Variants in NCS1 observed in about 807,000 individuals in gnomAD.
NCS1 encodes neuronal calcium sensor 1, also known as frequenin homolog.
NCS1 carries 6 observed loss-of-function variants against 28.4 expected under a neutral mutation model. The ratio of observed to expected loss-of-function variants is 0.21; its 90% confidence interval spans 0.12 to 0.42. NCS1 has a LOEUF of 0.42. Among genes scored for constraint, NCS1 ranks in the 10% least tolerant of loss-of-function variants. The pLI is 1.00. For synonymous variants in NCS1, 86 were observed against 99.3 expected, an observed-to-expected ratio of 0.87 and a Z score of 0.79; for missense variants, 131 against 241.4, an observed-to-expected ratio of 0.54 and a Z score of 3.03.
rs1832637107 is a variant in NCS1, at chr9:130,180,297, G to A, written c.64+7570G>A. ...GGTGCACCCACCTTGGCCTCCCAAA[G>A]TGCTGGGATTACAGGCGTGAGCCAC... On this transcript the variant is annotated intron_variant, in intron 1 of 7. Transcript: ENST00000372398. The surrounding 1 kb of genome is among the most constrained non-coding windows in gnomAD (Gnocchi z 4.5). Among the ~76,000 whole-genome samples, 2 of 152,138 alleles carry A rather than the reference G, an allele frequency of 1.3e-5. No homozygotes were observed. Among genetic ancestry groups the A allele is most frequent in the Admixed American group, 6.5e-5 (1 of 15,280 alleles).
At position 130,219,662 on chromosome 9, in the gene NCS1, G is replaced by A; in HGVS notation, c.229-63G>A. 2.0e-6 allele frequency: 3 copies of A among 1,536,822 alleles called. No homozygotes were observed. The highest frequency in any genetic ancestry group is 1.4e-5 in the African/African-American group (1 of 73,364). On this transcript the variant is annotated intron_variant, in intron 3 of 7. Coordinates refer to ENST00000372398, the MANE Select transcript of NCS1 (RefSeq NM_014286.4). This position sits in a 1 kb window ranked among gnomAD's most constrained non-coding sequence, Gnocchi z 5.7. ...GCGACTGCCCCTCGCCCGTCCCGAG[G>A]TTCAGCCTGACCCGGTGGCCTGGCC...
intron 1 of NCS1, among the ~76,000 whole-genome samples, chr9:130,187,786 A>G (rs536926384): frequency 4.6e-5 from 7 of 152,106 alleles, no homozygotes; most frequent in Non-Finnish European, 7.4e-5. Context: ...GGAGCCTCAC[A>G]GTGCTTCCAT....
In NCS1 at chr9:130,175,448, G is replaced by A. The variant is rs782135524; in HGVS notation, c.64+2721G>A. Among the ~76,000 whole-genome samples, 24 of 152,204 alleles carry A rather than the reference G, an allele frequency of 1.6e-4. No homozygotes were observed. Among genetic ancestry groups the A allele is most frequent in the Non-Finnish European group, 3.1e-4 (21 of 68,032 alleles). On this transcript the variant is annotated intron_variant, in intron 1 of 7. Transcript: ENST00000372398. The surrounding 1 kb of genome is among the most constrained non-coding windows in gnomAD (Gnocchi z 4.9). ...GCCCTCCCGGATTTCCGATTCTTTA[G>A]GTCTGGCTGGGGCCCAGGAATTTGC...
chr9:130,209,187 T>A lies in NCS1; in HGVS notation c.89+8205T>A, dbSNP rs1158414864. On this transcript the variant is annotated intron_variant, in intron 2 of 7. Transcript: ENST00000372398. This position sits in a 1 kb window ranked among gnomAD's most constrained non-coding sequence, Gnocchi z 4.4. Reference sequence around the variant, plus strand: ...CCTGGCTGATTGCAGCTTGGGGTAATGCTTTATGATTTATCCGTCTAGCAA... The same window carrying A: ...CCTGGCTGATTGCAGCTTGGGGTAAAGCTTTATGATTTATCCGTCTAGCAA... Among the ~76,000 whole-genome samples the A allele has an allele frequency of 2.0e-5, 3 of 152,210 alleles. No individual in the cohort carries two copies. The highest frequency in any genetic ancestry group is 4.4e-5 in the Non-Finnish European group (3 of 68,036).
At chr9:130,227,318 G>A (rs1027610989) in intron 7 of NCS1, among the ~76,000 whole-genome samples, 3 of 152,140 alleles carry the variant, frequency 2.0e-5, no homozygotes, top group Non-Finnish European at 4.4e-5. Flanking sequence ...TGTAGTCTGC[G>A]GGGAGTGGGT....
At chr9:130,212,508 CACTT>C (rs1368718827) in intron 2 of NCS1, among the ~76,000 whole-genome samples, 2 of 148,886 alleles carry the variant, frequency 1.3e-5, no homozygotes, top group African/African-American at 2.5e-5. Flanking sequence ...TAGTATGAGC[CACTT>C]ACTTTACTCA....
At chr9:130,201,108 G>A in intron 2 of NCS1, 126 bp downstream of exon 2, 2 of 1,262,134 alleles carry the variant, frequency 1.6e-6, no homozygotes, top group Non-Finnish European at 1.2e-6. Context: ...CTGAGCGTGG[G>A]GTCCAGACAG....
intron 6 of NCS1, among the ~76,000 whole-genome samples, chr9:130,223,961 C>G (rs1554910991): frequency 6.6e-6 from 1 of 151,958 alleles, no homozygotes; most frequent in African/African-American, 2.4e-5. Flanking sequence ...ACTCTCCTGC[C>G]TCAGCCTCCC....
Position 130,232,468 on chromosome 9 carries a change from G to T in NCS1, c.*18-522G>T, listed in dbSNP as rs1833511975. 6.6e-6 allele frequency among the ~76,000 whole-genome samples: 1 copy of T among 152,174 alleles called. No individual in the cohort carries two copies. Among genetic ancestry groups the T allele is most frequent in the African/African-American group, 2.4e-5 (1 of 41,438 alleles). ...GTTTTCTGCTATTACAGATGGTGCA[G>T]TGGTAAACATTTATTTATTAAGGAT... On this transcript the variant is annotated intron_variant, in intron 7 of 7. Coordinates refer to ENST00000372398, the MANE Select transcript of NCS1 (RefSeq NM_014286.4). The surrounding 1 kb of genome is among the most constrained non-coding windows in gnomAD (Gnocchi z 4.4).
Position 130,235,392 on chromosome 9 carries a change from A to C in NCS1, c.*2420A>C, listed in dbSNP as rs1235944565. On this transcript the variant is annotated 3_prime_UTR_variant, in exon 8 of 8. Coordinates refer to ENST00000372398, the MANE Select transcript of NCS1 (RefSeq NM_014286.4). ...ATTACTTTCCTTTGGCCTCTGCCTGAGGCTCGATTTGCCTCTCTGGTCCAA... is the reference window on the plus strand; with the variant it reads ...ATTACTTTCCTTTGGCCTCTGCCTGCGGCTCGATTTGCCTCTCTGGTCCAA... 2 of 152,394 alleles carry C rather than the reference A, an allele frequency of 1.3e-5. No individual in the cohort carries two copies. Among genetic ancestry groups the C allele is most frequent in the African/African-American group, 2.4e-5 (1 of 41,442 alleles). The allele number at this position is 152,394 out of a possible 1,614,324, so 9.4% of individuals were successfully genotyped here.
intron 2 of NCS1, among the ~76,000 whole-genome samples, chr9:130,213,678 TG>T (rs1424139304): frequency 1.3e-5 from 2 of 151,962 alleles, no homozygotes; most frequent in African/African-American, 4.8e-5. Context: ...CTCTGACTCC[TG>T]GGTTCAAGTG....
Position 130,197,857 on chromosome 9 carries a change from G to A in NCS1, c.65-3101G>A, listed in dbSNP as rs147854555. Among the ~76,000 whole-genome samples, 48 of 152,160 alleles carry A rather than the reference G, an allele frequency of 3.2e-4. 1 individual carries two copies. The highest frequency in any genetic ancestry group is 1.2e-3 in the African/African-American group (48 of 41,508). On this transcript the variant is annotated intron_variant, in intron 1 of 7. Transcript: ENST00000372398. ...GTATGCCTGTAGTTCCAGCTACTTGGGAGGCTGAGGCACACGAGGATCACT... is the reference window on the plus strand; with the variant it reads ...GTATGCCTGTAGTTCCAGCTACTTGAGAGGCTGAGGCACACGAGGATCACT...
chr9:130,220,544 C>T (rs1833264112), intron 4 of NCS1, among the ~76,000 whole-genome samples: 1 of 151,724 alleles, frequency 6.6e-6, no homozygotes, highest in South Asian at 2.1e-4. Flanking sequence ...AGGGGGCCCG[C>T]GTGTGCGAGG....
intron 2 of NCS1, among the ~76,000 whole-genome samples, chr9:130,206,828 G>A (rs1387745096): frequency 4.6e-5 from 7 of 151,250 alleles, no homozygotes; most frequent in Admixed American, 4.6e-4. Flanking sequence ...AACAGGCAGT[G>A]TAGGGTCCAG....
Position 130,174,339 on chromosome 9 carries a change from CA to C in NCS1, c.64+1613del, listed in dbSNP as rs535381608. 7.4e-3 allele frequency among the ~76,000 whole-genome samples: 1,121 copies of C among 152,306 alleles called. 9 individuals are homozygous for C. The highest frequency in any genetic ancestry group is 0.025 in the African/African-American group (1,053 of 41,564). Reference sequence around the variant, plus strand: ...AGCATGTCACGTGCCAAGCTCTTGGCATCATTAGCACCTCGACTCTGCCACA... The same window carrying C: ...AGCATGTCACGTGCCAAGCTCTTGGCTCATTAGCACCTCGACTCTGCCACA... On this transcript the variant is annotated intron_variant, in intron 1 of 7. Coordinates refer to ENST00000372398, the MANE Select transcript of NCS1 (RefSeq NM_014286.4).
chr9:130,210,413 AAAG>A (rs1244178010), intron 2 of NCS1, among the ~76,000 whole-genome samples: 9 of 150,822 alleles, frequency 6.0e-5, no homozygotes, highest in African/African-American at 2.0e-4. Flanking sequence ...AAAAAAAAAA[AAAG>A]AAAGAAAGGG....
At chr9:130,196,772 C>T (rs1163016249) in intron 1 of NCS1, among the ~76,000 whole-genome samples, 1 of 152,104 alleles carries the variant, frequency 6.6e-6, no homozygotes, top group East Asian at 1.9e-4. Flanking sequence ...GGGCATTAGC[C>T]TCAGTGCTGT....
At chr9:130,188,251 G>C (rs1051098541) in intron 1 of NCS1, among the ~76,000 whole-genome samples, 6 of 152,156 alleles carry the variant, frequency 3.9e-5, no homozygotes, top group African/African-American at 1.4e-4. Flanking sequence ...TCCTGAACTC[G>C]CCAGGCTCTG....
rs571253613 is a variant in NCS1, at chr9:130,172,636, G to A, written c.-28G>A. 48 of 1,399,834 alleles carry A rather than the reference G, an allele frequency of 3.4e-5. No individual in the cohort carries two copies. The South Asian group carries it at 5.5e-4, about 16-fold the overall frequency. 86.7% of individuals were successfully genotyped at this position (1,399,834 alleles called of 1,614,324 possible). Reference sequence around the variant, plus strand: ...TGGGCGCCCCAACCGGGTCCGGCCCGGGGGGGCGGGGGCCGCGGCCGCCGA... The same window carrying A: ...TGGGCGCCCCAACCGGGTCCGGCCCAGGGGGGCGGGGGCCGCGGCCGCCGA... On this transcript the variant is annotated 5_prime_UTR_variant, in exon 1 of 8. Transcript: ENST00000372398.
Sources: allele counts gnomAD v4.1 joint callset (sites outside exome capture counted in the v4.1 genomes callset), GRCh38; gene constraint gnomAD v4.1.1; non-coding constraint Gnocchi (gnomAD v3.1); transcripts MANE v1.5; gene names NCBI Gene and HGNC (gene_info 2026-07-23, HGNC 2026-07-21).